Variants in BAZ2B observed in about 807,000 individuals in gnomAD.
The protein encoded by BAZ2B is bromodomain adjacent to zinc finger domain protein 2B.
A neutral mutation model predicts 246.0 loss-of-function variants in BAZ2B; 91 were observed. The observed-to-expected ratio is 0.37, with a 90% confidence interval of 0.31 to 0.44. The LOEUF (loss-of-function observed/expected upper bound fraction) is 0.44. BAZ2B is among the 20% of genes least tolerant of loss of function. The pLI, the probability that BAZ2B is intolerant of heterozygous loss-of-function variation, is 1.00. For synonymous variants in BAZ2B, 855 were observed against 860.0 expected (o/e 0.99, Z 0.10); for missense variants, 2,332 against 2,533.7 (o/e 0.92, Z 1.71).
chr2:159,690,110 A>G, the BAZ2B span: 1 of 546,720 alleles, frequency 1.8e-6, no homozygotes, highest in Non-Finnish European at 3.0e-6. Context: ...CAAATCAGCA[A>G]GACTCACTTC....
the BAZ2B span, among the ~76,000 whole-genome samples, chr2:159,655,468 A>G: frequency 3.9e-5 from 6 of 152,192 alleles, no homozygotes; most frequent in Admixed American, 3.3e-4. Flanking sequence ...AGCTGTCAGC[A>G]CTTTCACGAT....
chr2:159,492,390 A>G (rs2151030478), intron 2 of BAZ2B, among the ~76,000 whole-genome samples: 1 of 152,360 alleles, frequency 6.6e-6, no homozygotes, highest in East Asian at 1.9e-4. Context: ...TTCTAAATCC[A>G]TAATAAAGTA....
At chr2:159,606,302 A>AT (rs1693479128) in intron 1 of BAZ2B, among the ~76,000 whole-genome samples, 1 of 133,974 alleles carries the variant, frequency 7.5e-6, no homozygotes, top group African/African-American at 2.4e-5. Flanking sequence ...AAATAAAGAG[A>AT]TTTGACCCAC....
chr2:159,688,984 T>C, the BAZ2B span, among the ~76,000 whole-genome samples: 4 of 151,214 alleles, frequency 2.6e-5, no homozygotes, highest in Non-Finnish European at 5.9e-5. Flanking sequence ...ATAGTTGCTA[T>C]TTTTTTTTCC....
At chr2:159,679,102 C>A in the BAZ2B span, among the ~76,000 whole-genome samples, 1 of 151,902 alleles carries the variant, frequency 6.6e-6, no homozygotes, top group African/African-American at 2.4e-5. Context: ...GAAACCCAGT[C>A]TCTGCTAAAA....
At chr2:159,473,974 C>T (rs929361651) in intron 3 of BAZ2B, among the ~76,000 whole-genome samples, 4 of 152,156 alleles carry the variant, frequency 2.6e-5, no homozygotes, top group African/African-American at 9.7e-5. Flanking sequence ...GAGTGTTTTA[C>T]TTCCAATTAT....
chr2:159,604,027 G>A (rs1335317787), intron 1 of BAZ2B, among the ~76,000 whole-genome samples: 4 of 151,966 alleles, frequency 2.6e-5, no homozygotes, highest in Non-Finnish European at 5.9e-5. Context: ...ATGCTTTTCT[G>A]TATTTTTAAA....
intron 2 of BAZ2B, among the ~76,000 whole-genome samples, chr2:159,481,763 A>G (rs187060578): frequency 1.3e-5 from 2 of 151,976 alleles, no homozygotes; most frequent in African/African-American, 4.8e-5. Context: ...GGTATTCATC[A>G]AAAGTGTCAC....
At chr2:159,480,344 T>C (rs1014919226) in intron 2 of BAZ2B, among the ~76,000 whole-genome samples, 1 of 152,222 alleles carries the variant, frequency 6.6e-6, no homozygotes, top group Middle Eastern at 3.4e-3. Flanking sequence ...TTTAGCTGAG[T>C]ACTTGGCATA....
chr2:159,344,543 A>AAG (rs1392791879), intron 31 of BAZ2B, among the ~76,000 whole-genome samples: 1 of 151,558 alleles, frequency 6.6e-6, no homozygotes, highest in Non-Finnish European at 1.5e-5. Context: ...TCAAAAAAAA[A>AAG]AAAAGAAAAG....
chr2:159,328,668 T>C (rs2064148010), intron 34 of BAZ2B, among the ~76,000 whole-genome samples: 2 of 152,172 alleles, frequency 1.3e-5, no homozygotes, highest in African/African-American at 4.8e-5. Flanking sequence ...TCCAATGAAC[T>C]CTTTCATGTC....
At chr2:159,497,044 A>G (rs2081246761) in intron 2 of BAZ2B, among the ~76,000 whole-genome samples, 1 of 152,160 alleles carries the variant, frequency 6.6e-6, no homozygotes, top group Admixed American at 6.5e-5. Flanking sequence ...TCATCATTTA[A>G]TAATTCTCAC....
chr2:159,654,974 A>C, the BAZ2B span, among the ~76,000 whole-genome samples: 4 of 152,232 alleles, frequency 2.6e-5, no homozygotes, highest in African/African-American at 9.6e-5. Context: ...AGGAAAATAT[A>C]AACATTTATT....
intron 1 of BAZ2B, among the ~76,000 whole-genome samples, chr2:159,586,156 T>G (rs79466929): frequency 6.6e-6 from 1 of 152,196 alleles, no homozygotes; most frequent in Non-Finnish European, 1.5e-5. Flanking sequence ...TAAGAACCCA[T>G]TGCTATTTAC....
At chr2:159,492,485 G>A (rs1168440299) in intron 2 of BAZ2B, among the ~76,000 whole-genome samples, 1 of 152,178 alleles carries the variant, frequency 6.6e-6, no homozygotes, top group Non-Finnish European at 1.5e-5. Context: ...CTAAGAATTA[G>A]TAAGCTTATG....
At chr2:159,351,615 A>G (rs1244526843) in intron 27 of BAZ2B, among the ~76,000 whole-genome samples, 1 of 152,194 alleles carries the variant, frequency 6.6e-6, no homozygotes, top group Admixed American at 6.5e-5. Flanking sequence ...CCCTCAATGA[A>G]ACTGGATGCT....
chr2:159,428,303 G>C lies in BAZ2B; in HGVS notation c.2364+8C>G, dbSNP rs991456847. ...CCAAATGTACATTATTTGGTGAAAA[G>C]TATGTACCTTTATTACTTCAGGGTA... On this transcript the variant is annotated splice_region_variant and intron_variant, in intron 12 of 36. Coordinates refer to ENST00000392783, the MANE Select transcript of BAZ2B (RefSeq NM_013450.4). 6.2e-7 allele frequency: 1 copy of C among 1,601,934 alleles called. No individual in the cohort carries two copies. The highest frequency in any genetic ancestry group is 8.5e-7 in the Non-Finnish European group (1 of 1,170,748).
intron 33 of BAZ2B, among the ~76,000 whole-genome samples, chr2:159,336,232 A>G (rs1378882243): frequency 6.6e-6 from 1 of 152,228 alleles, no homozygotes; most frequent in Admixed American, 6.5e-5. Context: ...ATATATGATA[A>G]TATAAAAGAG....
intron 1 of BAZ2B, among the ~76,000 whole-genome samples, chr2:159,562,188 T>C (rs908666085): frequency 2.6e-5 from 4 of 152,198 alleles, no homozygotes; most frequent in Admixed American, 2.6e-4. Context: ...GTCTTTATTG[T>C]TCTGTGTGAC....
Sources: gnomAD v4.1 joint callset for allele counts (sites outside exome capture counted in the v4.1 genomes callset) on GRCh38, gnomAD v4.1.1 for gene constraint, MANE v1.5 for transcripts, NCBI Gene and HGNC (gene_info 2026-07-23, HGNC 2026-07-21) for gene names.